The following RADIL variants were observed in gnomAD, a reference collection of about 807,000 sequenced individuals.
RADIL encodes Rap associating with DIL domain.
Under a neutral mutation model 97.6 loss-of-function variants are expected in RADIL, and 99 were observed. The ratio of observed to expected loss-of-function variants is 1.01; its 90% confidence interval spans 0.86 to 1.20. The LOEUF (loss-of-function observed/expected upper bound fraction) is 1.20. Ranked by LOEUF, RADIL falls within the 50% of genes most tolerant of loss-of-function variation. The pLI is 0.00. For missense variants in RADIL, 1,765 were observed against 1,498.9 expected (o/e 1.18, Z -2.93); for synonymous variants, 803 against 691.8 (o/e 1.16, Z -2.52).
chr7:4,860,075 T>G, intron 2 of RADIL: 1 of 1,614,050 alleles, frequency 6.2e-7, no homozygotes, highest in Non-Finnish European at 8.5e-7. Flanking sequence ...GGTATTCACC[T>G]GTTGCAAGGA....
intron 2 of RADIL, chr7:4,859,155 C>T (rs1783908329): frequency 6.6e-6 from 1 of 152,324 alleles, no homozygotes; most frequent in Admixed American, 6.5e-5. Context: ...TACTTTTATG[C>T]TTTCTCTGAA....
chr7:4,834,155 CTCAACCGGCCCCTGG>C lies in RADIL; in HGVS notation c.1416+437_1416+451del, dbSNP rs1783226089. Among the ~76,000 whole-genome samples the C allele has an allele frequency of 6.6e-6, 1 of 152,156 alleles. No individual in the cohort carries two copies. Among genetic ancestry groups the C allele is most frequent in the Admixed American group, 6.5e-5 (1 of 15,282 alleles). ...CAGGGATGGCTCCAGCGGGTATGTG[CTCAACCGGCCCCTGG>C]CAGCAAGCACAGGGCGCCGGCACAC... On this transcript the variant is annotated intron_variant, in intron 4 of 14. Coordinates refer to ENST00000399583, the MANE Select transcript of RADIL (RefSeq NM_018059.5). This position sits in a 1 kb window ranked among gnomAD's most constrained non-coding sequence, Gnocchi z 6.0.
intron 9 of RADIL, chr7:4,805,940 A>C: frequency 2.0e-6 from 2 of 985,388 alleles, no homozygotes; most frequent in Non-Finnish European, 2.4e-6. Context: ...TGCCATCGGG[A>C]ACCCCCTGCC....
In RADIL at chr7:4,878,736, G is replaced by A. The variant is rs1223881663; in HGVS notation, c.-64-533C>T. On this transcript the variant is annotated intron_variant, in intron 1 of 14. Transcript: ENST00000399583. This position sits in a 1 kb window ranked among gnomAD's most constrained non-coding sequence, Gnocchi z 4.1. ...CCTAAGTAAGACACGCTCCGCTGCA[G>A]GGCTTGGATTTCTGGAAAGTGCTGG... is the stretch of plus-strand genomic sequence containing the variant. Among the ~76,000 whole-genome samples the A allele has an allele frequency of 6.6e-6, 1 of 152,224 alleles. No individual in the cohort carries two copies. The highest frequency in any genetic ancestry group is 1.5e-5 in the Non-Finnish European group (1 of 68,042).
intron 2 of RADIL, chr7:4,859,446 G>C (rs1355268945): frequency 6.3e-6 from 1 of 159,146 alleles, no homozygotes; most frequent in Non-Finnish European, 1.4e-5. Flanking sequence ...CTTTGAAATA[G>C]TTAATGTAAC....
intron 2 of RADIL, chr7:4,861,082 A>C: frequency 6.2e-7 from 1 of 1,614,224 alleles, no homozygotes; most frequent in Non-Finnish European, 8.5e-7. Context: ...CTCCGAGGAA[A>C]CCTAATATAT....
Position 4,836,452 on chromosome 7 carries a change from G to C in RADIL, c.689C>G (p.Ala230Gly). 1.2e-6 allele frequency: 2 copies of C among 1,601,130 alleles called. No individual in the cohort carries two copies. The highest frequency in any genetic ancestry group is 3.5e-5 in the Admixed American group (2 of 57,960). ...GGGGCCGGGCTCCTCGGGGCCCTGGGCGGCAGCGGGCAGGGCGTTCACTGG... is the reference window on the plus strand; with the variant it reads ...GGGGCCGGGCTCCTCGGGGCCCTGGCCGGCAGCGGGCAGGGCGTTCACTGG... ...LSPVNALPAA[A>G]QGPEEPGPDA... The change falls in exon 3 of 15, where the codon GCC (alanine) becomes GGC (glycine). Residue 230 changes from alanine to glycine, a missense_variant. By Grantham distance (60) the Ala-to-Gly change is moderately conservative. Coordinates refer to ENST00000399583, the MANE Select transcript of RADIL (RefSeq NM_018059.5).
intron 5 of RADIL, among the ~76,000 whole-genome samples, chr7:4,829,275 T>G (rs898824171): frequency 6.6e-6 from 1 of 152,180 alleles, no homozygotes; most frequent in African/African-American, 2.4e-5. Context: ...AGGCAGAGCC[T>G]GGGTCCCTCA....
chr7:4,845,391 C>T (rs1783542957), intron 2 of RADIL, among the ~76,000 whole-genome samples: 1 of 152,154 alleles, frequency 6.6e-6, no homozygotes, highest in Non-Finnish European at 1.5e-5. Flanking sequence ...GGGCTCCAGC[C>T]TGGGTGACAG....
intron 11 of RADIL, among the ~76,000 whole-genome samples, chr7:4,802,626 T>TGGG (rs1782139716): frequency 2.3e-5 from 3 of 127,958 alleles, no homozygotes; most frequent in South Asian, 2.7e-4. Flanking sequence ...GCATGCTGGC[T>TGGG]GGACCCCCTC....
chr7:4,860,554 T>G, intron 2 of RADIL: 1 of 1,614,250 alleles, frequency 6.2e-7, no homozygotes, highest in Non-Finnish European at 8.5e-7. Flanking sequence ...GAAATGACTG[T>G]GGATTCACAT....
Position 4,800,152 on chromosome 7 carries a change from A to C in RADIL, c.2982+19T>G. ...AGGCAGCCAGTATGGGGGTGCGGCG[A>C]GGGTCCTGGGCCACTCACCATCCCG... is the stretch of plus-strand genomic sequence containing the variant. On this transcript the variant is annotated intron_variant, in intron 13 of 14. Transcript: ENST00000399583. 1 of 1,581,228 alleles carries C rather than the reference A, an allele frequency of 6.3e-7. No homozygotes were observed.
Position 4,817,250 on chromosome 7 carries a change from A to C in RADIL, c.1717T>G (p.Tyr573Asp), listed in dbSNP as rs933266953. Residue 573 changes from tyrosine (Y) to aspartate (D), a missense_variant, in exon 7 of 15, where the codon TAT becomes GAT. Tyr to Asp is a radical substitution (Grantham distance 160). Coordinates refer to ENST00000399583, the MANE Select transcript of RADIL (RefSeq NM_018059.5). This position sits in a 1 kb window ranked among gnomAD's most constrained non-coding sequence, Gnocchi z 8.3. The stretch of plus-strand genomic sequence containing the variant: ...GCCCGTCCGTGCACCTTGGAGACAT[A>C]GTAGACGCACTGCTGGAAGGCGTAC... Reference protein sequence around the residue: ...VLYAFQQCVYYVSKSLYICLP... With the variant: ...VLYAFQQCVYDVSKSLYICLP... The C allele has an allele frequency of 2.5e-6, 4 of 1,611,904 alleles. No homozygotes were observed. Among genetic ancestry groups the C allele is most frequent in the Non-Finnish European group, 3.4e-6 (4 of 1,179,178 alleles).
At position 4,840,568 on chromosome 7, in the gene RADIL, T is replaced by C. The variant is rs114111542; in HGVS notation, c.536-3963A>G. Among the ~76,000 whole-genome samples the C allele has an allele frequency of 4.0e-3, 610 of 152,292 alleles. 2 individuals are homozygous for C. Among genetic ancestry groups the C allele is most frequent in the African/African-American group, 0.012 (489 of 41,560 alleles). On this transcript the variant is annotated intron_variant, in intron 2 of 14. Coordinates refer to ENST00000399583, the MANE Select transcript of RADIL (RefSeq NM_018059.5). This position sits in a 1 kb window ranked among gnomAD's most constrained non-coding sequence, Gnocchi z 5.6. ...GACTGCCTGATTTGGGGGTCTTATATAGGTGTGCTCTTTGCCAAGAACAGG... is the reference window on the plus strand; with the variant it reads ...GACTGCCTGATTTGGGGGTCTTATACAGGTGTGCTCTTTGCCAAGAACAGG...
rs1040877373 is a variant in RADIL, at chr7:4,814,765, G to T, written c.2139+513C>A. Among the ~76,000 whole-genome samples the T allele has an allele frequency of 6.6e-6, 1 of 152,190 alleles. No homozygotes were observed. Among genetic ancestry groups the T allele is most frequent in the Admixed American group, 6.5e-5 (1 of 15,278 alleles). The stretch of plus-strand genomic sequence containing the variant: ...GGAGGATCTGTCTCCCTGCTCTTCC[G>T]GTTGCTGTCAGAATTCAGTTCCTGT... On this transcript the variant is annotated intron_variant, in intron 9 of 14. Coordinates refer to ENST00000399583, the MANE Select transcript of RADIL (RefSeq NM_018059.5). This position sits in a 1 kb window ranked among gnomAD's most constrained non-coding sequence, Gnocchi z 4.5.
chr7:4,811,877 CT>C (rs201294653), intron 9 of RADIL, among the ~76,000 whole-genome samples: 7 of 146,946 alleles, frequency 4.8e-5, no homozygotes, highest in Non-Finnish European at 9.1e-5. Context: ...AATTTAATTT[CT>C]TTTTTTTTTA....
At chr7:4,827,155 A>T (rs1783005412) in intron 5 of RADIL, among the ~76,000 whole-genome samples, 1 of 152,124 alleles carries the variant, frequency 6.6e-6, no homozygotes, top group Admixed American at 6.6e-5. Context: ...GCTTGAGGTC[A>T]GGAGTTCAAG....
At chr7:4,875,211 A>G (rs1361611985) in intron 2 of RADIL, among the ~76,000 whole-genome samples, 2 of 123,098 alleles carry the variant, frequency 1.6e-5, no homozygotes, top group South Asian at 2.6e-4. Context: ...CAACAACAAC[A>G]ACAACAACAA....
chr7:4,859,719 G>A, intron 2 of RADIL: 1 of 590,852 alleles, frequency 1.7e-6, no homozygotes, highest in Non-Finnish European at 3.0e-6. Context: ...GGATTTGCAG[G>A]GAGAACAGGG....
Sources: allele counts gnomAD v4.1 joint callset (sites outside exome capture counted in the v4.1 genomes callset), GRCh38; gene constraint gnomAD v4.1.1; non-coding constraint Gnocchi (gnomAD v3.1); transcripts MANE v1.5; gene names NCBI Gene and HGNC (gene_info 2026-07-23, HGNC 2026-07-21).